Variants in SDR39U1 observed in about 807,000 individuals in gnomAD.
The protein encoded by SDR39U1 is epimerase family protein SDR39U1.
In SDR39U1, 29 loss-of-function variants were observed where a neutral mutation model predicts 31.7. The observed-to-expected ratio is 0.92, with a 90% CI of 0.68 to 1.25. The LOEUF (loss-of-function observed/expected upper bound fraction) is 1.25, where lower values mean the gene tolerates loss of function less well. SDR39U1 is among the 50% of genes most tolerant of loss of function. SDR39U1 has a pLI of 0.00. For missense variants in SDR39U1, 403 were observed against 378.4 expected (o/e 1.06, Z -0.54); for synonymous variants, 147 against 159.0 (o/e 0.92, Z 0.57).
At chr14:24,440,710 C>T (rs920027191) in intron 5 of SDR39U1, 73 bp downstream of exon 5, 11 of 1,554,298 alleles carry the variant, frequency 7.1e-6, no homozygotes, top group Non-Finnish European at 8.8e-6. Context: ...AATCTCAGCT[C>T]TCCTAATCCC....
rs995907390 is a variant in SDR39U1, at chr14:24,440,362, G to C, written c.603C>G (p.Ile201Met). Reference sequence around the variant, plus strand: ...GGTTTGCTTCAAGGGCATGGGTCAGGATTCCTGCCAGGTCCCCGATGTGTA... The same window carrying C: ...GGTTTGCTTCAAGGGCATGGGTCAGCATTCCTGCCAGGTCCCCGATGTGTA... ...PWIHIGDLAG[I>M]LTHALEANHV... The change falls in exon 6 of 6, where the codon ATC becomes ATG. Residue 201 changes from isoleucine (I) to methionine (M), a missense_variant. Transcript: ENST00000399395. The C allele has an allele frequency of 4.3e-6, 7 of 1,613,902 alleles. No homozygotes were observed. The African/African-American group carries it at 9.3e-5, about 22-fold the overall frequency.
chr14:24,440,045 C>T lies in SDR39U1; in HGVS notation c.*38G>A, dbSNP rs776755669. ...TATTCACAGTGCCTAACCTGGAAGC[C>T]TGTGAGGAACAGGCCTCAGGCCCTT... On this transcript the variant is annotated 3_prime_UTR_variant, in exon 6 of 6. Transcript: ENST00000399395. 3.3e-6 allele frequency: 5 copies of T among 1,531,522 alleles called. No homozygotes were observed. In the Admixed American group the frequency reaches 7.8e-5, roughly 24 times the overall value. 94.9% of individuals were successfully genotyped at this position (1,531,522 alleles called of 1,614,324 possible). A position where few individuals can be genotyped will look rare whatever the true frequency, so the allele number is the denominator to read the frequency against.
intron 3 of SDR39U1, 79 bp downstream of exon 3, chr14:24,442,099 C>T: frequency 6.4e-7 from 1 of 1,558,280 alleles, no homozygotes; most frequent in East Asian, 2.4e-5. Flanking sequence ...CTCCATTACC[C>T]ATAGCTCACA....
At position 24,442,385 on chromosome 14, in the gene SDR39U1, C is replaced by G; in HGVS notation, c.84G>C (p.Thr28=). 1 of 1,612,076 alleles carries G rather than the reference C, an allele frequency of 6.2e-7. No individual in the cohort carries two copies. Among genetic ancestry groups the G allele is most frequent in the South Asian group, 1.1e-5 (1 of 90,614 alleles). The stretch of plus-strand genomic sequence containing the variant: ...CGGGCCCGGGCTTTCGGGAGACCAA[C>G]GTCACTTCGTGGCCTCTGGCATTCA... ...QLLNARGHEV[T]LVSRKPGPGR... The change falls in exon 2 of 6, where the codon ACG becomes ACC. Residue 28 remains threonine, a synonymous_variant. Coordinates refer to ENST00000399395, the MANE Select transcript of SDR39U1 (RefSeq NM_020195.3).
rs534816937 is a variant in SDR39U1, at chr14:24,440,139, C to T, written c.826G>A (p.Gly276Ser). ...AGCTCTGGGAAGGAATACTGGTAGC[C>T]AGTGGCCAGTGTTCGCTGTGGGATC... ...KVIPQRTLATGYQYSFPELGA... is the reference protein window; with the variant it reads ...KVIPQRTLATSYQYSFPELGA... The change falls in exon 6 of 6, where the codon GGC (glycine) becomes AGC (serine). Residue 276 changes from glycine (G) to serine (S), a missense_variant. By Grantham distance (56) the Gly-to-Ser change is moderately conservative. Transcript: ENST00000399395. 6.2e-6 allele frequency: 10 copies of T among 1,613,208 alleles called. No homozygotes were observed. Among genetic ancestry groups the T allele is most frequent in the Middle Eastern group, 1.7e-4 (1 of 6,056 alleles).
chr14:24,442,750 T>A lies in SDR39U1; in HGVS notation c.16+4A>T. 2 of 1,613,972 alleles carry A rather than the reference T, an allele frequency of 1.2e-6. No individual in the cohort carries two copies. Among genetic ancestry groups the A allele is most frequent in the Non-Finnish European group, 1.7e-6 (2 of 1,179,850 alleles). On this transcript the variant is annotated splice_donor_region_variant and intron_variant, in intron 1 of 5. Coordinates refer to ENST00000399395, the MANE Select transcript of SDR39U1 (RefSeq NM_020195.3). ...CAGCACTCTCCCTTTCTGCCCTCCCTCACCCACAAGCACACGCATAGCGAC... is the reference window on the plus strand; with the variant it reads ...CAGCACTCTCCCTTTCTGCCCTCCCACACCCACAAGCACACGCATAGCGAC...
Position 24,441,204 on chromosome 14 carries a change from A to T in SDR39U1, c.329-278T>A, listed in dbSNP as rs902812941. On this transcript the variant is annotated intron_variant, in intron 4 of 5. Transcript: ENST00000399395. The stretch of plus-strand genomic sequence containing the variant: ...CGCCTGAATTTTAATCAGCTCCCTC[A>T]TTTATTAACTCTCTGACTTGATGCA... 1.5e-5 allele frequency: 8 copies of T among 529,476 alleles called. No individual in the cohort carries two copies. In the Admixed American group the frequency reaches 1.9e-4, roughly 13 times the overall value. The allele number at this position is 529,476 out of a possible 1,614,324, so 32.8% of individuals were successfully genotyped here.
At chr14:24,442,668 T>G (rs2043387514) in intron 1 of SDR39U1, 86 bp downstream of exon 1, 1 of 1,550,184 alleles carries the variant, frequency 6.5e-7, no homozygotes, top group Non-Finnish European at 8.9e-7. Context: ...GCCTGTGCAC[T>G]AGACAGTGCC....
At chr14:24,442,290 C>T (rs1566508400) in intron 2 of SDR39U1, 30 bp from the exon 3 acceptor site, 1 of 1,602,462 alleles carries the variant, frequency 6.2e-7, no homozygotes, top group South Asian at 1.1e-5. Context: ...GTGCCCCTGC[C>T]CCGCCCTGCG....
chr14:24,441,496 AG>A (rs2043337794), intron 4 of SDR39U1, 177 bp downstream of exon 4: 3 of 566,468 alleles, frequency 5.3e-6, no homozygotes, highest in Non-Finnish European at 9.0e-6. Context: ...CTGTTTTTTC[AG>A]GGTCTCAATT....
Position 24,440,287 on chromosome 14 carries a change from A to G in SDR39U1, c.678T>C (p.Ala226=). The G allele has an allele frequency of 6.2e-7, 1 of 1,613,998 alleles. No individual in the cohort carries two copies. Among genetic ancestry groups the G allele is most frequent in the Non-Finnish European group, 8.5e-7 (1 of 1,179,878 alleles). ...CAGCACCCAAGGTCTGGGCAAACTC[A>G]GCATTAGTGGCGGAGGATGGAGCCA... ...NGVAPSSATN[A]EFAQTLGAAL... is the part of the protein sequence containing the mutation. The change falls in exon 6 of 6, where the codon GCT becomes GCC. Residue 226 remains alanine, a synonymous_variant. Coordinates refer to ENST00000399395, the MANE Select transcript of SDR39U1 (RefSeq NM_020195.3).
intron 5 of SDR39U1, 72 bp from the exon 6 acceptor site, chr14:24,440,564 T>C (rs767212069): frequency 2.0e-6 from 3 of 1,516,402 alleles, no homozygotes; most frequent in East Asian, 4.9e-5. Context: ...TCCTGGTTTC[T>C]GTTTCCCCTT....
In SDR39U1 at chr14:24,440,285, T is replaced by A; in HGVS notation, c.680A>T (p.Glu227Val). ...GVAPSSATNA[E>V]FAQTLGAALG... Reference sequence around the variant, plus strand: ...GGCAGCACCCAAGGTCTGGGCAAACTCAGCATTAGTGGCGGAGGATGGAGC... The same window carrying A: ...GGCAGCACCCAAGGTCTGGGCAAACACAGCATTAGTGGCGGAGGATGGAGC... The change falls in exon 6 of 6, where the codon GAG becomes GTG. Residue 227 changes from glutamate to valine, a missense_variant. Glu to Val is a moderately radical substitution (Grantham distance 121, BLOSUM62 -2). Coordinates refer to ENST00000399395, the MANE Select transcript of SDR39U1 (RefSeq NM_020195.3). 6.2e-7 allele frequency: 1 copy of A among 1,614,004 alleles called. No homozygotes were observed. The highest frequency in any genetic ancestry group is 1.1e-5 in the South Asian group (1 of 91,088).
chr14:24,440,033 T>A lies in SDR39U1; in HGVS notation c.*50A>T. ...AGGAGCTGAGCCTATTCACAGTGCC[T>A]AACCTGGAAGCCTGTGAGGAACAGG... On this transcript the variant is annotated 3_prime_UTR_variant, in exon 6 of 6. Transcript: ENST00000399395. 6.7e-7 allele frequency: 1 copy of A among 1,497,294 alleles called. No homozygotes were observed. Among genetic ancestry groups the A allele is most frequent in the Non-Finnish European group, 9.0e-7 (1 of 1,109,596 alleles). 92.8% of individuals were successfully genotyped at this position (1,497,294 alleles called of 1,614,324 possible). A position where few individuals can be genotyped will look rare whatever the true frequency, so the allele number is the denominator to read the frequency against.
chr14:24,441,120 G>A, intron 4 of SDR39U1, 194 bp from the exon 5 acceptor site: 1 of 706,664 alleles, frequency 1.4e-6, no homozygotes, highest in Non-Finnish European at 2.5e-6. Flanking sequence ...TCTGGTTGCA[G>A]GGCTAAACTT....
In SDR39U1 at chr14:24,442,690, G is replaced by A. The variant is rs1171125010; in HGVS notation, c.16+64C>T. 18 of 1,599,954 alleles carry A rather than the reference G, an allele frequency of 1.1e-5. No individual in the cohort carries two copies. In the South Asian group the frequency reaches 1.8e-4, roughly 16 times the overall value. On this transcript the variant is annotated intron_variant, in intron 1 of 5. Transcript: ENST00000399395. ...CACTAGACAGTGCCCTCCCGGAAGCGGATTCCCAGTCCTCAATCTCCGACT... is the reference window on the plus strand; with the variant it reads ...CACTAGACAGTGCCCTCCCGGAAGCAGATTCCCAGTCCTCAATCTCCGACT...
chr14:24,442,778 G>A, upstream of SDR39U1: 6 of 1,613,988 alleles, frequency 3.7e-6, no homozygotes, highest in Non-Finnish European at 5.1e-6. Context: ...ATAGCGACTA[G>A]GACCTAACGC....
At position 24,440,310 on chromosome 14, in the gene SDR39U1, C is replaced by G. The variant is rs1594762375; in HGVS notation, c.655G>C (p.Ala219Pro). Residue 219 changes from alanine (A) to proline (P), a missense_variant, in exon 6 of 6, where the codon GCT becomes CCT. Coordinates refer to ENST00000399395, the MANE Select transcript of SDR39U1 (RefSeq NM_020195.3). ...NHVHGVLNGV[A>P]PSSATNAEFA... ...TCAGCATTAGTGGCGGAGGATGGAG[C>G]CACTCCATTCAGGACCCCGTGCACG... 3.7e-6 allele frequency: 6 copies of G among 1,614,000 alleles called. No homozygotes were observed. Among genetic ancestry groups the G allele is most frequent in the South Asian group, 3.3e-5 (3 of 91,084 alleles).
At position 24,440,843 on chromosome 14, in the gene SDR39U1, T is replaced by C; in HGVS notation, c.412A>G (p.Lys138Glu). The change falls in exon 5 of 6, where the codon AAA becomes GAA. Residue 138 changes from lysine (K) to glutamate (E), a missense_variant. Physicochemically the swap from Lys to Glu is moderately conservative, Grantham distance 56 (BLOSUM62 1). Coordinates refer to ENST00000399395, the MANE Select transcript of SDR39U1 (RefSeq NM_020195.3). The part of the protein sequence containing the change: ...DFDFFSNLVT[K>E]WEAAARLPGD... ...GGAAGCCTGGCTGCAGCTTCCCATT[T>C]GGTTACGAGGTTGGAGAAAAAGTCA... is the stretch of plus-strand genomic sequence containing the variant. The C allele has an allele frequency of 6.2e-7, 1 of 1,613,986 alleles. No individual in the cohort carries two copies. The highest frequency in any genetic ancestry group is 1.1e-5 in the South Asian group (1 of 91,084).
Sources: gnomAD v4.1 joint callset for allele counts on GRCh38, gnomAD v4.1.1 for gene constraint, MANE v1.5 for transcripts, NCBI Gene and HGNC (gene_info 2026-07-23, HGNC 2026-07-21) for gene names.